MTMR7: variants seen among roughly 807,000 people sequenced by gnomAD.
MTMR7 encodes the protein myotubularin related protein 7.
A neutral mutation model predicts 81.2 loss-of-function variants in MTMR7; 76 were observed. The observed-to-expected ratio is 0.94, with a 90% CI of 0.78 to 1.13. The LOEUF is 1.13. MTMR7 is among the 50% of genes most tolerant of loss of function. The probability of loss-of-function intolerance (pLI) is 0.00; values close to 1 mark genes in which losing one functional copy is unlikely to be tolerated. For missense variants in MTMR7, 1,044 were observed against 820.0 expected (o/e 1.27, Z -3.34); for synonymous variants, 372 against 289.8 (o/e 1.28, Z -2.88).
chr8:17,395,531 C>T (rs1349303056), intron 1 of MTMR7, among the ~76,000 whole-genome samples: 2 of 152,200 alleles, frequency 1.3e-5, no homozygotes, highest in South Asian at 4.1e-4. Context: ...TTTACATTAT[C>T]ACCAACAATG....
intron 3 of MTMR7, among the ~76,000 whole-genome samples, chr8:17,362,382 T>C (rs1169387174): frequency 6.6e-6 from 1 of 152,162 alleles, no homozygotes; most frequent in African/African-American, 2.4e-5. Context: ...GATCTAAGCA[T>C]TTCTGATGAT....
At chr8:17,363,102 C>G (rs1263129077) in intron 3 of MTMR7, among the ~76,000 whole-genome samples, 1 of 152,198 alleles carries the variant, frequency 6.6e-6, no homozygotes, top group Non-Finnish European at 1.5e-5. Flanking sequence ...CACACACAAA[C>G]CAGAGCAGAC....
chr8:17,319,248 A>G (rs1818263311), intron 7 of MTMR7, among the ~76,000 whole-genome samples: 1 of 152,208 alleles, frequency 6.6e-6, no homozygotes, highest in Admixed American at 6.5e-5. Flanking sequence ...CTTCAAATAT[A>G]AAATGGGGAT....
intron 1 of MTMR7, 103 bp downstream of exon 1, chr8:17,413,166 G>T (rs932889979): frequency 2.9e-6 from 4 of 1,356,172 alleles, no homozygotes; most frequent in Non-Finnish European, 2.1e-6. Context: ...TCCAGGCTCC[G>T]CCGGTGCCCC....
intron 3 of MTMR7, among the ~76,000 whole-genome samples, chr8:17,367,457 A>C (rs1466801481): frequency 6.6e-6 from 1 of 152,206 alleles, no homozygotes; most frequent in Non-Finnish European, 1.5e-5. Context: ...CATTAGATCT[A>C]CAAGGTTAAC....
At chr8:17,307,854 A>G (rs60222910) in intron 10 of MTMR7, among the ~76,000 whole-genome samples, 2 of 148,452 alleles carry the variant, frequency 1.3e-5, no homozygotes, top group East Asian at 2.0e-4. Context: ...ACAAGGACAC[A>G]GGAAGGGGAA....
chr8:17,300,253 A>G, intron 13 of MTMR7, 29 bp from the exon 14 acceptor site: 1 of 1,578,094 alleles, frequency 6.3e-7, no homozygotes. Flanking sequence ...TTTCAGGGGA[A>G]AAATCATAAA....
intron 4 of MTMR7, among the ~76,000 whole-genome samples, chr8:17,357,361 G>C (rs7823018): frequency 0.36 from 54,990 of 152,096 alleles, 12,715 homozygotes; most frequent in East Asian, 0.71. Context: ...CGAAATGGAT[G>C]ACAAATACAA....
intron 12 of MTMR7, among the ~76,000 whole-genome samples, chr8:17,303,274 A>C (rs1403886690): frequency 6.6e-6 from 1 of 152,182 alleles, no homozygotes; most frequent in Admixed American, 6.5e-5. Context: ...AACTTGTCTT[A>C]CATGCACTAT....
At chr8:17,311,454 G>A in intron 9 of MTMR7, 57 bp downstream of exon 9, 4 of 1,604,094 alleles carry the variant, frequency 2.5e-6, no homozygotes, top group Non-Finnish European at 3.4e-6. Context: ...TGTAAAAACA[G>A]GGGTCCATTC....
chr8:17,375,560 T>C (rs1239779860), intron 1 of MTMR7, among the ~76,000 whole-genome samples: 1 of 152,022 alleles, frequency 6.6e-6, no homozygotes, highest in Non-Finnish European at 1.5e-5. Flanking sequence ...TCATGGTGTA[T>C]TTTTTGTGAA....
Position 17,373,155 on chromosome 8 carries a change from A to C in MTMR7, c.110T>G (p.Phe37Cys), listed in dbSNP as rs1389011078. ...TLYLTATHVIFVENSPDPRKE... is the reference protein window; with the variant it reads ...TLYLTATHVICVENSPDPRKE... ...TCTTGGGTCAGGTGAATTTTCCACGAATATGACATGGGTAGCCGTCAAATA... is the reference window on the plus strand; with the variant it reads ...TCTTGGGTCAGGTGAATTTTCCACGCATATGACATGGGTAGCCGTCAAATA... Residue 37 changes from phenylalanine to cysteine, a missense_variant, in exon 2 of 14, where the codon TTC becomes TGC. Physicochemically the swap from Phe to Cys is radical, Grantham distance 205. Coordinates refer to ENST00000180173, the MANE Select transcript of MTMR7 (RefSeq NM_004686.5). 4 of 1,613,826 alleles carry C rather than the reference A, an allele frequency of 2.5e-6. No individual in the cohort carries two copies. The African/African-American group carries it at 5.3e-5, about 22-fold the overall frequency.
At chr8:17,411,532 C>CGT (rs1821733861) in intron 1 of MTMR7, among the ~76,000 whole-genome samples, 1 of 152,130 alleles carries the variant, frequency 6.6e-6, no homozygotes, top group South Asian at 2.1e-4. Flanking sequence ...TAAATGAATC[C>CGT]GATCCATCCA....
At chr8:17,386,367 G>A (rs551890716) in intron 1 of MTMR7, among the ~76,000 whole-genome samples, 1 of 152,308 alleles carries the variant, frequency 6.6e-6, no homozygotes, top group South Asian at 2.1e-4. Context: ...AGCAGAGTGA[G>A]ACCTTGTCTC....
chr8:17,347,836 G>A (rs990423242), intron 5 of MTMR7, among the ~76,000 whole-genome samples: 4 of 152,172 alleles, frequency 2.6e-5, no homozygotes, highest in African/African-American at 9.7e-5. Flanking sequence ...AAAGGGAGGT[G>A]TCACGTGGCA....
At chr8:17,410,114 C>G (rs1340593411) in intron 1 of MTMR7, among the ~76,000 whole-genome samples, 1 of 151,886 alleles carries the variant, frequency 6.6e-6, no homozygotes, top group African/African-American at 2.4e-5. Context: ...ATCCAGGCCC[C>G]TCTGTGAGAA....
intron 10 of MTMR7, among the ~76,000 whole-genome samples, chr8:17,306,239 G>T (rs1407484831): frequency 2.0e-5 from 3 of 151,998 alleles, no homozygotes; most frequent in African/African-American, 4.8e-5. Flanking sequence ...CAGAAAAAGG[G>T]CATTTTTAAA....
intron 7 of MTMR7, among the ~76,000 whole-genome samples, chr8:17,323,420 A>G (rs1818510138): frequency 6.6e-6 from 1 of 152,126 alleles, no homozygotes; most frequent in Admixed American, 6.5e-5. Flanking sequence ...ACAGGAACCA[A>G]ACTGAAGGTA....
intron 7 of MTMR7, among the ~76,000 whole-genome samples, chr8:17,317,919 C>T (rs1007634127): frequency 5.3e-5 from 8 of 151,814 alleles, no homozygotes; most frequent in African/African-American, 1.9e-4. Context: ...GCCTTTTTTT[C>T]CACTTCATTC....
Sources: allele counts gnomAD v4.1 joint callset (sites outside exome capture counted in the v4.1 genomes callset), GRCh38; gene constraint gnomAD v4.1.1; transcripts MANE v1.5; gene names NCBI Gene and HGNC (gene_info 2026-07-23, HGNC 2026-07-21).